DNAH3: variants seen among roughly 807,000 people sequenced by gnomAD.
DNAH3 encodes axonemal beta dynein heavy chain 3.
A neutral mutation model predicts 432.5 loss-of-function variants in DNAH3; 332 were observed. That is an observed-to-expected ratio of 0.77 (90% CI 0.70 to 0.84). The LOEUF (loss-of-function observed/expected upper bound fraction) is 0.84, where lower values mean the gene tolerates loss of function less well. DNAH3 is among the 40% of genes least tolerant of loss of function. The pLI, the probability that DNAH3 is intolerant of heterozygous loss-of-function variation, is 0.00. For missense variants in DNAH3, 4,861 were observed against 5,114.0 expected (o/e 0.95, Z 1.51); for synonymous variants, 1,956 against 1,900.2 (o/e 1.03, Z -0.76).
exon 35 of DNAH3, chr16:21,036,826 G>A (rs765901300): frequency 9.3e-6 from 15 of 1,609,944 alleles, no homozygotes; most frequent in Non-Finnish European, 1.2e-5. Context: ...AACAACTCCA[G>A]GAAATAAATC....
At chr16:21,084,607 C>A (rs1279344669) in intron 19 of DNAH3, among the ~76,000 whole-genome samples, 1 of 152,116 alleles carries the variant, frequency 6.6e-6, no homozygotes, top group Non-Finnish European at 1.5e-5. Context: ...TAGGCGTGAG[C>A]CACGGCACCT....
At chr16:20,952,351 TGAA>T (rs2084354094) in intron 56 of DNAH3, 79 bp downstream of exon 56, 1 of 845,110 alleles carries the variant, frequency 1.2e-6, no homozygotes, top group Non-Finnish European at 2.0e-6. Flanking sequence ...AGTACATAAG[TGAA>T]TGGAAATGGG....
chr16:21,065,290 A>G (rs1222662773), intron 24 of DNAH3, among the ~76,000 whole-genome samples: 1 of 151,876 alleles, frequency 6.6e-6, no homozygotes, highest in Non-Finnish European at 1.5e-5. Flanking sequence ...CCTCCCAGAT[A>G]GCTGGGATTA....
At chr16:21,116,188 G>A (rs903595781) in intron 12 of DNAH3, among the ~76,000 whole-genome samples, 4 of 152,046 alleles carry the variant, frequency 2.6e-5, no homozygotes, top group South Asian at 2.1e-4. Flanking sequence ...CTTTTCACTC[G>A]TAAATTGTCT....
intron 19 of DNAH3, among the ~76,000 whole-genome samples, chr16:21,086,259 T>C (rs1324780945): frequency 6.6e-6 from 1 of 152,226 alleles, no homozygotes; most frequent in Non-Finnish European, 1.5e-5. Flanking sequence ...ACCACACTTA[T>C]CACCCTCACA....
chr16:21,098,146 T>C (rs1163001853), intron 17 of DNAH3, among the ~76,000 whole-genome samples: 1 of 152,116 alleles, frequency 6.6e-6, no homozygotes, highest in Admixed American at 6.6e-5. Flanking sequence ...GAAAAGGTAG[T>C]TGAAAGTACC....
intron 12 of DNAH3, among the ~76,000 whole-genome samples, chr16:21,115,090 T>C (rs1174345968): frequency 6.6e-5 from 10 of 152,178 alleles, no homozygotes; most frequent in African/African-American, 2.2e-4. Flanking sequence ...ATGTCCTTTG[T>C]AGGGACATGG....
exon 44 of DNAH3, chr16:20,997,428 C>T: frequency 1.2e-6 from 2 of 1,614,078 alleles, no homozygotes; most frequent in Non-Finnish European, 8.5e-7. Flanking sequence ...GTGGCTGGGC[C>T]CCATACACCT....
intron 56 of DNAH3, among the ~76,000 whole-genome samples, chr16:20,949,263 C>CAAAAAA (rs34267850): frequency 3.0e-5 from 2 of 66,014 alleles, no homozygotes; most frequent in African/African-American, 6.4e-5. Flanking sequence ...GAGACTGTCT[C>CAAAAAA]AAAAAAAAAA....
rs996629820 is a variant in DNAH3 at position 21,141,202 on chromosome 16, G to A, written c.521+98C>T. On this transcript the variant is annotated intron_variant, in intron 4 of 61. Transcript: ENST00000261383. Reference sequence around the variant, plus strand: ...GATAAGAATATGATTATCTGGGAATGCTTTGAAGCCAAGAAGCAGAGTGTG... The same window carrying A: ...GATAAGAATATGATTATCTGGGAATACTTTGAAGCCAAGAAGCAGAGTGTG... 7.0e-6 allele frequency: 6 copies of A among 861,140 alleles called. No homozygotes were observed. The African/African-American group carries it at 8.6e-5, about 12-fold the overall frequency. The allele number at this position is 861,140 out of a possible 1,614,324, so 53.3% of individuals were successfully genotyped here.
chr16:21,156,717 C>T (rs776877050), intron 1 of DNAH3, among the ~76,000 whole-genome samples: 1 of 152,114 alleles, frequency 6.6e-6, no homozygotes, highest in Non-Finnish European at 1.5e-5. Context: ...AACCCAACCA[C>T]TGCATGTTCC....
At chr16:21,111,575 T>A in intron 14 of DNAH3, 51 bp downstream of exon 14, 1 of 1,562,504 alleles carries the variant, frequency 6.4e-7, no homozygotes, top group Non-Finnish European at 8.7e-7. Flanking sequence ...CTTTTTCGTC[T>A]CCAGTTGGTG....
chr16:20,948,739 T>A, intron 56 of DNAH3, 102 bp from the exon 57 acceptor site: 1 of 1,298,684 alleles, frequency 7.7e-7, no homozygotes, highest in African/African-American at 1.4e-5. Context: ...AGATCTCTGC[T>A]GGGACATAGT....
At chr16:20,995,750 C>T (rs1304282345) in intron 44 of DNAH3, among the ~76,000 whole-genome samples, 1 of 152,174 alleles carries the variant, frequency 6.6e-6, no homozygotes. Context: ...AAGGGGACAC[C>T]TGACTGGTCA....
At chr16:20,936,668 G>A in exon 60 of DNAH3, 1 of 1,599,694 alleles carries the variant, frequency 6.3e-7, no homozygotes, top group South Asian at 1.1e-5. Flanking sequence ...GGTCAGGCGG[G>A]CCAGCAGGTC....
chr16:21,139,320 C>CTGTTTTTTTTT (rs2092687218), intron 5 of DNAH3, among the ~76,000 whole-genome samples: 1 of 29,614 alleles, frequency 3.4e-5, no homozygotes, highest in African/African-American at 1.6e-4. Flanking sequence ...TTTCCTCATG[C>CTGTTTTTTTTT]TTTTTTTTTT....
chr16:20,944,917 T>G (rs759940247), intron 57 of DNAH3, among the ~76,000 whole-genome samples: 10 of 152,160 alleles, frequency 6.6e-5, no homozygotes, highest in Non-Finnish European at 7.4e-5. Flanking sequence ...GCTCCCCCAG[T>G]GGGCCTGGCT....
chr16:20,939,920 T>C (rs2083741833), intron 59 of DNAH3, among the ~76,000 whole-genome samples: 1 of 152,242 alleles, frequency 6.6e-6, no homozygotes, highest in African/African-American at 2.4e-5. Context: ...CTTTCAGTTT[T>C]GACTATTCAA....
chr16:21,151,415 G>A (rs908766729), intron 1 of DNAH3, among the ~76,000 whole-genome samples: 1 of 151,414 alleles, frequency 6.6e-6, no homozygotes, highest in African/African-American at 2.4e-5. Flanking sequence ...CTGCCTCCCG[G>A]GTTCACACCA....
Sources: gnomAD v4.1 joint callset for allele counts (sites outside exome capture counted in the v4.1 genomes callset) on GRCh38, gnomAD v4.1.1 for gene constraint, MANE v1.5 for transcripts, NCBI Gene and HGNC (gene_info 2026-07-23, HGNC 2026-07-21) for gene names.